Variants in CYP3A4 observed in about 807,000 individuals in gnomAD.
CYP3A4 encodes cytochrome P450 family 3 subfamily A member 4.
Under a neutral mutation model 54.9 loss-of-function variants are expected in CYP3A4, and 41 were observed. The ratio of observed to expected loss-of-function variants is 0.75; its 90% CI spans 0.58 to 0.97. The LOEUF is 0.97. CYP3A4 is among the 50% of genes least tolerant of loss of function. The probability of loss-of-function intolerance (pLI) is 0.00; values close to 1 mark genes in which losing one functional copy is unlikely to be tolerated. For missense variants in CYP3A4, 510 were observed against 597.3 expected (o/e 0.85, Z 1.52); for synonymous variants, 179 against 205.2 (o/e 0.87, Z 1.09).
intron 9 of CYP3A4, among the ~76,000 whole-genome samples, chr7:99,764,692 G>A (rs1251895474): frequency 1.3e-5 from 2 of 152,192 alleles, no homozygotes; most frequent in Non-Finnish European, 2.9e-5. Flanking sequence ...AGCCTAGCTT[G>A]AGAAGCACGG....
At position 99,757,019 on chromosome 7, in the gene CYP3A4, G is replaced by A. The variant is rs1184671471; in HGVS notation, c.*1114C>T. On this transcript the variant is annotated 3_prime_UTR_variant, in exon 13 of 13. Coordinates refer to ENST00000651514, the MANE Select transcript of CYP3A4 (RefSeq NM_017460.6). ...TTTTTTATTAAGTGTTCATTGCATC[G>A]AGACAGTTGGGTGTTGAGGATGGAA... is the stretch of plus-strand genomic sequence containing the variant. 6 of 152,096 alleles carry A rather than the reference G, an allele frequency of 3.9e-5. No individual in the cohort carries two copies. The highest frequency in any genetic ancestry group is 1.2e-4 in the African/African-American group (5 of 41,416). 9.4% of individuals were successfully genotyped at this position (152,096 alleles called of 1,614,324 possible). A position where few individuals can be genotyped will look rare whatever the true frequency, so the allele number is the denominator to read the frequency against.
At chr7:99,767,757 A>G (rs1045571110) in intron 7 of CYP3A4, among the ~76,000 whole-genome samples, 41 of 152,222 alleles carry the variant, frequency 2.7e-4, no homozygotes, top group African/African-American at 9.4e-4. Context: ...TAAGTAACCA[A>G]TGAGTCAAAG....
intron 10 of CYP3A4, among the ~76,000 whole-genome samples, chr7:99,762,826 T>A (rs941552232): frequency 6.6e-6 from 1 of 152,138 alleles, no homozygotes; most frequent in Non-Finnish European, 1.5e-5. Context: ...TGAAACAGTC[T>A]CCTAGTTGTT....
At chr7:99,777,477 TGTGTGTGTGTGTG>T (rs1434172847) in intron 3 of CYP3A4, among the ~76,000 whole-genome samples, 14 of 170 alleles carry the variant, frequency 0.082, no homozygotes, top group East Asian at 0.44. Flanking sequence ...TGTCACTAGT[TGTGTGTGTGTGTG>T]TGTGTGTGTG....
chr7:99,772,805 C>T, intron 3 of CYP3A4, 116 bp from the exon 4 acceptor site: 1 of 1,047,602 alleles, frequency 9.5e-7, no homozygotes, highest in Non-Finnish European at 1.4e-6. Context: ...TTGTACAATA[C>T]ACAGTAATCT....
At chr7:99,772,411 T>C (rs568731150) in intron 4 of CYP3A4, among the ~76,000 whole-genome samples, 179 bp downstream of exon 4, 1 of 152,288 alleles carries the variant, frequency 6.6e-6, no homozygotes, top group African/African-American at 2.4e-5. Flanking sequence ...TATAGTAACA[T>C]GAATATACTG....
intron 8 of CYP3A4, 62 bp downstream of exon 8, chr7:99,767,069 G>C: frequency 2.0e-6 from 3 of 1,485,886 alleles, no homozygotes; most frequent in Non-Finnish European, 2.8e-6. Flanking sequence ...CTGATCATAT[G>C]TATATTATCT....
intron 8 of CYP3A4, 46 bp downstream of exon 8, chr7:99,767,085 A>T (rs749810355): frequency 1.4e-5 from 22 of 1,581,504 alleles, no homozygotes; most frequent in Non-Finnish European, 1.9e-5. Context: ...TATCTAAAAA[A>T]TTATGAAAAA....
At chr7:99,758,251 T>C in intron 12 of CYP3A4, 23 bp from the exon 13 acceptor site, 1 of 1,609,754 alleles carries the variant, frequency 6.2e-7, no homozygotes, top group Non-Finnish European at 8.5e-7. Flanking sequence ...AACAAGCATA[T>C]TGAGAAGCAT....
intron 9 of CYP3A4, among the ~76,000 whole-genome samples, chr7:99,765,887 T>C (rs1815465580): frequency 6.6e-6 from 1 of 152,202 alleles, no homozygotes; most frequent in South Asian, 2.1e-4. Context: ...CAACAAGTAC[T>C]GCCAGTTAAA....
In CYP3A4 at chr7:99,766,466, C is replaced by T. The variant is rs781318043; in HGVS notation, c.799-23G>A. 4 of 1,613,398 alleles carry T rather than the reference C, an allele frequency of 2.5e-6. No homozygotes were observed. The South Asian group carries it at 4.4e-5, about 18-fold the overall frequency. Reference sequence around the variant, plus strand: ...GTGCTAGAAGCAAAAAGAGAAATTTCACTGACAGAAAGTGGCTCCTGAAGT... The same window carrying T: ...GTGCTAGAAGCAAAAAGAGAAATTTTACTGACAGAAAGTGGCTCCTGAAGT... On this transcript the variant is annotated intron_variant, in intron 8 of 12. Transcript: ENST00000651514.
chr7:99,783,306 C>G lies in CYP3A4; in HGVS notation c.71+705G>C, dbSNP rs1259417879. Reference sequence around the variant, plus strand: ...GATCCCACCAGTGAGAGGATTCATCCTCTTCTACTGCAACATAAAGGGGAA... The same window carrying G: ...GATCCCACCAGTGAGAGGATTCATCGTCTTCTACTGCAACATAAAGGGGAA... On this transcript the variant is annotated intron_variant, in intron 1 of 12. Coordinates refer to ENST00000651514, the MANE Select transcript of CYP3A4 (RefSeq NM_017460.6). 2.6e-5 allele frequency among the ~76,000 whole-genome samples: 4 copies of G among 152,294 alleles called. No homozygotes were observed. In the South Asian group the frequency reaches 8.3e-4, roughly 32 times the overall value.
intron 10 of CYP3A4, among the ~76,000 whole-genome samples, chr7:99,763,648 C>A (rs960917650): frequency 6.6e-6 from 1 of 152,202 alleles, no homozygotes; most frequent in Non-Finnish European, 1.5e-5. Context: ...TGAACCAGAG[C>A]CAGCACGTTT....
intron 1 of CYP3A4, among the ~76,000 whole-genome samples, chr7:99,781,968 G>A (rs957251834): frequency 7.2e-5 from 11 of 152,214 alleles, no homozygotes; most frequent in African/African-American, 2.7e-4. Flanking sequence ...TGGCGTGGAG[G>A]CTCATGTTTG....
chr7:99,782,162 C>T (rs1815941790), intron 1 of CYP3A4, among the ~76,000 whole-genome samples: 1 of 152,246 alleles, frequency 6.6e-6, no homozygotes, highest in Non-Finnish European at 1.5e-5. Flanking sequence ...TGCTTCTAAA[C>T]TTTCTACAAG....
At chr7:99,763,654 C>T (rs1455302975) in intron 10 of CYP3A4, among the ~76,000 whole-genome samples, 2 of 152,178 alleles carry the variant, frequency 1.3e-5, no homozygotes, top group African/African-American at 2.4e-5. Context: ...AGAGCCAGCA[C>T]GTTTTACAAA....
At chr7:99,782,544 A>G (rs999640813) in intron 1 of CYP3A4, among the ~76,000 whole-genome samples, 6 of 152,136 alleles carry the variant, frequency 3.9e-5, no homozygotes, top group African/African-American at 1.4e-4. Flanking sequence ...GACCACACAC[A>G]GAGTGACACA....
chr7:99,770,161 T>C lies in CYP3A4; in HGVS notation c.393A>G (p.Ser131=). 2 of 1,613,838 alleles carry C rather than the reference T, an allele frequency of 1.2e-6. No homozygotes were observed. Among genetic ancestry groups the C allele is most frequent in the Non-Finnish European group, 1.7e-6 (2 of 1,179,800 alleles). The change falls in exon 5 of 13, where the codon TCA becomes TCG. Residue 131 remains serine (S), a synonymous_variant. Transcript: ENST00000651514. ...CACTGGTGAAGGTTGGAGACAGCAA[T>C]GATCGTAATCTCTTCCATTCTTCAT... is the stretch of plus-strand genomic sequence containing the variant. ...AEDEEWKRLR[S]LLSPTFTSGK... is the part of the protein sequence containing the mutation.
chr7:99,770,335 T>C lies in CYP3A4; in HGVS notation c.319-100A>G, dbSNP rs1394972561. ...CAGGAACACTTATTCAACAACTATT[T>C]AGTGACTGTCTACTGGGTGATGGGC... On this transcript the variant is annotated intron_variant, in intron 4 of 12. Transcript: ENST00000651514. 2.6e-6 allele frequency: 3 copies of C among 1,136,914 alleles called. No individual in the cohort carries two copies. In the East Asian group the frequency reaches 7.6e-5, roughly 29 times the overall value. 70.4% of individuals were successfully genotyped at this position (1,136,914 alleles called of 1,614,324 possible). A position where few individuals can be genotyped will look rare whatever the true frequency, so the allele number is the denominator to read the frequency against.
Sources: gnomAD v4.1 joint callset for allele counts (sites outside exome capture counted in the v4.1 genomes callset) on GRCh38, gnomAD v4.1.1 for gene constraint, MANE v1.5 for transcripts, NCBI Gene and HGNC (gene_info 2026-07-23, HGNC 2026-07-21) for gene names.